The following NDUFAF7 variants were observed in gnomAD, a reference collection of about 807,000 sequenced individuals.
NDUFAF7 encodes protein arginine methyltransferase NDUFAF7, mitochondrial.
Under a neutral mutation model 47.2 loss-of-function variants are expected in NDUFAF7, and 48 were observed. The ratio of observed to expected loss-of-function variants is 1.02; its 90% CI spans 0.81 to 1.29. The LOEUF (loss-of-function observed/expected upper bound fraction) is 1.29. NDUFAF7 is among the 50% of genes most tolerant of loss of function. NDUFAF7 has a pLI of 0.00. For synonymous variants in NDUFAF7, 217 were observed against 190.0 expected, an observed-to-expected ratio of 1.14 and a Z score of -1.17; for missense variants, 635 against 537.6, an observed-to-expected ratio of 1.18 and a Z score of -1.79.
At chr2:37,245,564 C>G (rs1666814948) in intron 7 of NDUFAF7, among the ~76,000 whole-genome samples, 1 of 152,176 alleles carries the variant, frequency 6.6e-6, no homozygotes, top group Non-Finnish European at 1.5e-5. Context: ...TCTGGCACAA[C>G]AGAGGGCATG....
downstream of NDUFAF7, chr2:37,253,032 A>G (rs1261031688): frequency 9.6e-6 from 7 of 726,354 alleles, no homozygotes; most frequent in Non-Finnish European, 1.4e-5. Context: ...ACTCATTATG[A>G]ACTACAGTAC....
At chr2:37,267,708 C>T in the NDUFAF7 span, 9 of 561,478 alleles carry the variant, frequency 1.6e-5, no homozygotes, top group Middle Eastern at 4.7e-4. Flanking sequence ...ATTGTTTTCC[C>T]CTCCATACAT....
In NDUFAF7 at chr2:37,232,278, G is replaced by C; in HGVS notation, c.216+12G>C. The C allele has an allele frequency of 2.5e-6, 4 of 1,612,402 alleles. No homozygotes were observed. The highest frequency in any genetic ancestry group is 3.4e-6 in the Non-Finnish European group (4 of 1,179,940). On this transcript the variant is annotated intron_variant, in intron 2 of 9. Transcript: ENST00000002125. ...CTAATCCAGCCAAGGTATGGGTCGG[G>C]TAGCCCGAGGACTAGGCCCTCTCTA... is the stretch of plus-strand genomic sequence containing the variant.
At chr2:37,262,899 C>CA in the NDUFAF7 span, among the ~76,000 whole-genome samples, 1 of 147,486 alleles carries the variant, frequency 6.8e-6, no homozygotes, top group East Asian at 2.4e-4. Context: ...ATTCCTTCCC[C>CA]CCCCCGTATT....
downstream of NDUFAF7, chr2:37,251,296 G>GTAGA (rs1167370182): frequency 2.6e-5 from 4 of 152,560 alleles, no homozygotes; most frequent in Admixed American, 6.5e-5. Context: ...GTATTTATGG[G>GTAGA]TAGATAGTAC....
chr2:37,253,586 TA>T (rs1558517910), downstream of NDUFAF7, among the ~76,000 whole-genome samples: 1 of 152,048 alleles, frequency 6.6e-6, no homozygotes, highest in East Asian at 1.9e-4. Flanking sequence ...TTTCTGAAAT[TA>T]AAAAAAATTT....
rs774985108 is a variant in NDUFAF7, at chr2:37,241,668, T to C, written c.499T>C (p.Leu167=). The change falls in exon 5 of 10, where the codon TTG becomes CTG. Residue 167 remains leucine, a synonymous_variant. Transcript: ENST00000002125. ...CCAAAAATTAAGTGAGATTCAAGCATTGACACTGACTAAAGAGAAGGTCCC... is the reference window on the plus strand; with the variant it reads ...CCAAAAATTAAGTGAGATTCAAGCACTGACACTGACTAAAGAGAAGGTCCC... ...VSQKLSEIQA[L]TLTKEKVPLE... is the part of the protein sequence containing the mutation. 3 of 1,614,014 alleles carry C rather than the reference T, an allele frequency of 1.9e-6. No individual in the cohort carries two copies. The African/African-American group carries it at 4.0e-5, about 22-fold the overall frequency.
the NDUFAF7 span, among the ~76,000 whole-genome samples, chr2:37,270,628 C>T: frequency 2.6e-5 from 4 of 152,266 alleles, no homozygotes; most frequent in East Asian, 7.7e-4. Flanking sequence ...CTTCACTTAG[C>T]AGACCCACAC....
chr2:37,236,185 C>T lies in NDUFAF7; in HGVS notation c.297+9C>T. On this transcript the variant is annotated intron_variant, in intron 3 of 9. Transcript: ENST00000002125. ...GTCAAATCTTTGGGGAGGTAATATA[C>T]TATGTAAAGTATGAATGAAGCTAAT... is the stretch of plus-strand genomic sequence containing the variant. The T allele has an allele frequency of 7.6e-6, 12 of 1,574,708 alleles. No individual in the cohort carries two copies. The highest frequency in any genetic ancestry group is 1.0e-5 in the Non-Finnish European group (12 of 1,144,482).
chr2:37,248,309 G>A lies in NDUFAF7; in HGVS notation c.1285G>A (p.Ala429Thr), dbSNP rs778386980. The A allele has an allele frequency of 6.2e-7, 1 of 1,614,104 alleles. No homozygotes were observed. The highest frequency in any genetic ancestry group is 8.5e-7 in the Non-Finnish European group (1 of 1,180,002). ...GAATGCACGTCAGTCAAAACCCTTT[G>A]CATCCGTTGTAGCTGGGTTTAGTGA... Reference protein sequence around the residue: ...QRNARQSKPFASVVAGFSELA... With the variant: ...QRNARQSKPFTSVVAGFSELA... The change falls in exon 10 of 10, where the codon GCA (alanine) becomes ACA (threonine). Residue 429 changes from alanine to threonine, a missense_variant. Physicochemically the swap from Ala to Thr is moderately conservative, Grantham distance 58. Coordinates refer to ENST00000002125, the MANE Select transcript of NDUFAF7 (RefSeq NM_144736.5).
rs536224171 is a variant in NDUFAF7 at position 37,232,270 on chromosome 2, T to C, written c.216+4T>C. 2.2e-5 allele frequency: 35 copies of C among 1,612,604 alleles called. No individual in the cohort carries two copies. The South Asian group carries it at 3.4e-4, about 16-fold the overall frequency. ...GGTGTTGACTAATCCAGCCAAGGTA[T>C]GGGTCGGGTAGCCCGAGGACTAGGC... is the stretch of plus-strand genomic sequence containing the variant. On this transcript the variant is annotated splice_donor_region_variant and intron_variant, in intron 2 of 9. Transcript: ENST00000002125.
chr2:37,253,817 G>A (rs1667714111), downstream of NDUFAF7, among the ~76,000 whole-genome samples: 1 of 152,116 alleles, frequency 6.6e-6, no homozygotes. Flanking sequence ...AGTTTGGAGG[G>A]TATCTTTTGA....
downstream of NDUFAF7, chr2:37,257,028 G>A (rs2148483328): frequency 7.9e-7 from 1 of 1,267,174 alleles, no homozygotes; most frequent in East Asian, 2.3e-5. Context: ...CAACATACTT[G>A]CCAGCTCTAC....
At chr2:37,253,120 A>G (rs910261612), downstream of NDUFAF7, 56 of 1,490,502 alleles carry the variant, frequency 3.8e-5, no homozygotes, top group Non-Finnish European at 4.1e-5. Flanking sequence ...AACAAGTTAC[A>G]CAGCAAAATA....
Position 37,248,256 on chromosome 2 carries a change from A to G in NDUFAF7, c.1232A>G (p.Gln411Arg). The change falls in exon 10 of 10, where the codon CAG becomes CGG. Residue 411 changes from glutamine (Q) to arginine (R), a missense_variant. Physicochemically the swap from Gln to Arg is conservative, Grantham distance 43 (BLOSUM62 1). Coordinates refer to ENST00000002125, the MANE Select transcript of NDUFAF7 (RefSeq NM_144736.5). ...AACTTTTTTGCCTTGCTACCTCATC[A>G]GAGACTTCAAGGTGGAAGATATCAG... ...RFNFFALLPHQRLQGGRYQRN... is the reference protein window; with the variant it reads ...RFNFFALLPHRRLQGGRYQRN... The G allele has an allele frequency of 6.2e-7, 1 of 1,614,012 alleles. No homozygotes were observed. The highest frequency in any genetic ancestry group is 8.5e-7 in the Non-Finnish European group (1 of 1,179,882).
intron 7 of NDUFAF7, 27 bp from the exon 8 acceptor site, chr2:37,246,025 T>A (rs751034577): frequency 6.2e-7 from 1 of 1,612,498 alleles, no homozygotes; most frequent in East Asian, 2.2e-5. Flanking sequence ...TGATGCATTT[T>A]GACTCTTGCA....
chr2:37,242,482 A>G (rs528436762), intron 5 of NDUFAF7, 153 bp from the exon 6 acceptor site: 3 of 622,530 alleles, frequency 4.8e-6, no homozygotes, highest in East Asian at 2.9e-5. Context: ...TAATTGTTCT[A>G]TGTTCTGCAG....
At chr2:37,259,607 A>C in the NDUFAF7 span, 1 of 1,613,000 alleles carries the variant, frequency 6.2e-7, no homozygotes. Context: ...CTGCTGATGC[A>C]AGCAGCACAT....
At chr2:37,253,128 A>T (rs370419695), downstream of NDUFAF7, 1 of 1,514,572 alleles carries the variant, frequency 6.6e-7, no homozygotes, top group African/African-American at 1.4e-5. Flanking sequence ...ACACAGCAAA[A>T]TATCAGTCCA....
Sources: allele counts gnomAD v4.1 joint callset (sites outside exome capture counted in the v4.1 genomes callset), GRCh38; gene constraint gnomAD v4.1.1; transcripts MANE v1.5; gene names NCBI Gene and HGNC (gene_info 2026-07-23, HGNC 2026-07-21).